CEP112: variants seen among roughly 807,000 people sequenced by gnomAD.
The protein encoded by CEP112 is centrosomal protein 112, also known as centrosomal protein of 112 kDa.
A neutral mutation model predicts 153.0 loss-of-function variants in CEP112; 127 were observed. The observed-to-expected ratio is 0.83, with a 90% CI of 0.72 to 0.96. The LOEUF (loss-of-function observed/expected upper bound fraction) is 0.96. Ranked by LOEUF, CEP112 falls within the 40% of genes least tolerant of loss-of-function variation. The probability of loss-of-function intolerance (pLI) is 0.00; values close to 1 mark genes in which losing one functional copy is unlikely to be tolerated. For missense variants in CEP112, 1,089 were observed against 1,101.2 expected (o/e 0.99, Z 0.16); for synonymous variants, 358 against 374.4 (o/e 0.96, Z 0.51).
intron 24 of CEP112, among the ~76,000 whole-genome samples, chr17:65,662,793 A>G (rs1381161505): frequency 6.6e-6 from 1 of 152,214 alleles, no homozygotes; most frequent in Non-Finnish European, 1.5e-5. Flanking sequence ...ATTGGCCCAC[A>G]TGGTAAAACA....
At chr17:65,655,596 TC>T (rs2046023706) in intron 24 of CEP112, among the ~76,000 whole-genome samples, 1 of 152,244 alleles carries the variant, frequency 6.6e-6, no homozygotes, top group African/African-American at 2.4e-5. Context: ...TTTTCCTTTA[TC>T]CTTGCTTCTT....
chr17:65,939,723 C>T (rs867159914), intron 18 of CEP112, among the ~76,000 whole-genome samples: 99 of 152,140 alleles, frequency 6.5e-4, no homozygotes, highest in African/African-American at 2.3e-3. Flanking sequence ...TATCATACAC[C>T]ATATACAAAA....
chr17:65,934,337 G>T (rs1482711170), intron 18 of CEP112, among the ~76,000 whole-genome samples: 1 of 152,166 alleles, frequency 6.6e-6, no homozygotes, highest in Non-Finnish European at 1.5e-5. Flanking sequence ...AGTAGAAGAT[G>T]TTTTATGTAA....
intron 21 of CEP112, among the ~76,000 whole-genome samples, chr17:65,788,169 G>A (rs2054381457): frequency 6.6e-6 from 1 of 152,116 alleles, no homozygotes; most frequent in African/African-American, 2.4e-5. Flanking sequence ...ATGATCACAT[G>A]GTTTTTCTCC....
chr17:65,670,048 G>C (rs2046905778), intron 24 of CEP112, among the ~76,000 whole-genome samples: 1 of 152,080 alleles, frequency 6.6e-6, no homozygotes, highest in African/African-American at 2.4e-5. Flanking sequence ...AAGGCTAATG[G>C]CTCCTGGCAC....
intron 16 of CEP112, among the ~76,000 whole-genome samples, chr17:66,025,315 G>T (rs960388062): frequency 6.6e-6 from 1 of 151,984 alleles, no homozygotes; most frequent in Non-Finnish European, 1.5e-5. Flanking sequence ...AGAAAGCAAG[G>T]TAAATAATCA....
At chr17:66,101,471 C>T (rs532797894) in intron 6 of CEP112, among the ~76,000 whole-genome samples, 1 of 152,232 alleles carries the variant, frequency 6.6e-6, no homozygotes, top group South Asian at 2.1e-4. Context: ...AAGGAACCTT[C>T]AGTCAAGAGA....
At chr17:65,653,456 G>A (rs1341443734) in intron 24 of CEP112, among the ~76,000 whole-genome samples, 2 of 152,178 alleles carry the variant, frequency 1.3e-5, no homozygotes, top group African/African-American at 4.8e-5. Flanking sequence ...AGATTGAAGG[G>A]GGCAGGAGGA....
chr17:66,059,421 A>C (rs537654638), intron 11 of CEP112, among the ~76,000 whole-genome samples: 1 of 152,240 alleles, frequency 6.6e-6, no homozygotes, highest in East Asian at 1.9e-4. Flanking sequence ...TCTAATACCC[A>C]GAATCTATAA....
rs550859180 is a variant in CEP112 at position 65,853,067 on chromosome 17, T to C, written c.2164-1033A>G. 3.3e-5 allele frequency among the ~76,000 whole-genome samples: 5 copies of C among 152,344 alleles called. No homozygotes were observed. The East Asian group carries it at 9.6e-4, about 29-fold the overall frequency. The stretch of plus-strand genomic sequence containing the variant: ...TAATTCCCAAGCATATGGGACATAT[T>C]AGTTTCCCAGGGTTGCCATAACAAA... On this transcript the variant is annotated intron_variant, in intron 20 of 26. Coordinates refer to ENST00000535342, the MANE Select transcript of CEP112 (RefSeq NM_001199165.4).
chr17:66,116,716 T>C (rs2069310332), intron 6 of CEP112, among the ~76,000 whole-genome samples: 1 of 152,210 alleles, frequency 6.6e-6, no homozygotes. Context: ...GTTTTATAAC[T>C]ATCCCATGAC....
At position 66,040,448 on chromosome 17, in the gene CEP112, A is replaced by G. The variant is rs569109614; in HGVS notation, c.1219-10425T>C. On this transcript the variant is annotated intron_variant, in intron 12 of 26. Transcript: ENST00000535342. ...TGCAAGACCTTTATTGAATAAAGGA[A>G]TTGCAGATATCTTCTTCCATTCTGA... Among the ~76,000 whole-genome samples, 97 of 150,282 alleles carry G rather than the reference A, an allele frequency of 6.5e-4. 1 individual carries two copies. The highest frequency in any genetic ancestry group is 3.8e-3 in the South Asian group (18 of 4,776).
intron 20 of CEP112, among the ~76,000 whole-genome samples, chr17:65,864,024 C>T (rs2058400041): frequency 6.6e-6 from 1 of 151,782 alleles, no homozygotes; most frequent in African/African-American, 2.4e-5. Context: ...ACCTGTAGTC[C>T]CAGCTACTCG....
rs140383113 is a variant in CEP112 at position 65,669,255 on chromosome 17, T to A, written c.2697+19874A>T. Among the ~76,000 whole-genome samples the A allele has an allele frequency of 6.6e-4, 100 of 152,284 alleles. No homozygotes were observed. The East Asian group carries it at 0.015, about 23-fold the overall frequency. On this transcript the variant is annotated intron_variant, in intron 24 of 26. Coordinates refer to ENST00000535342, the MANE Select transcript of CEP112 (RefSeq NM_001199165.4). ...TTCCTTTTGAAAATATGTTATGACA[T>A]CGAGCCCCAAATTCAAGTATAAAAC... is the stretch of plus-strand genomic sequence containing the variant.
intron 23 of CEP112, among the ~76,000 whole-genome samples, chr17:65,698,412 C>A (rs1018738316): frequency 1.3e-5 from 2 of 152,114 alleles, no homozygotes; most frequent in African/African-American, 2.4e-5. Flanking sequence ...TATTTTCAGT[C>A]CTTTAAAATT....
intron 18 of CEP112, among the ~76,000 whole-genome samples, chr17:65,944,003 G>A (rs185726631): frequency 3.9e-5 from 6 of 152,154 alleles, no homozygotes; most frequent in East Asian, 3.9e-4. Context: ...GAGACTTGTC[G>A]TTGCATTGTG....
intron 12 of CEP112, among the ~76,000 whole-genome samples, chr17:66,034,079 T>C (rs1370137987): frequency 6.6e-6 from 1 of 152,148 alleles, no homozygotes; most frequent in Non-Finnish European, 1.5e-5. Context: ...AATTTTGATA[T>C]ACACAGAGGT....
chr17:65,939,789 T>A (rs1204497440), intron 18 of CEP112, among the ~76,000 whole-genome samples: 2 of 152,112 alleles, frequency 1.3e-5, no homozygotes, highest in Non-Finnish European at 2.9e-5. Flanking sequence ...CTAAAACTAG[T>A]AGAAAATACA....
intron 23 of CEP112, among the ~76,000 whole-genome samples, chr17:65,705,068 A>G (rs905299519): frequency 1.3e-5 from 2 of 152,196 alleles, no homozygotes; most frequent in African/African-American, 4.8e-5. Context: ...ACTAAGCAAA[A>G]TTCAGTTCTC....
Sources: gnomAD v4.1 joint callset for allele counts (sites outside exome capture counted in the v4.1 genomes callset) on GRCh38, gnomAD v4.1.1 for gene constraint, MANE v1.5 for transcripts, NCBI Gene and HGNC (gene_info 2026-07-23, HGNC 2026-07-21) for gene names.